TOX3: variants seen among roughly 807,000 people sequenced by gnomAD.
TOX3 encodes the protein CAG trinucleotide repeat-containing gene F9 protein.
A neutral mutation model predicts 64.3 loss-of-function variants in TOX3; 22 were observed. That is an observed-to-expected ratio of 0.34 (90% CI 0.24 to 0.49). TOX3 has a LOEUF of 0.49. Ranked by LOEUF, TOX3 falls within the 20% of genes least tolerant of loss-of-function variation. The pLI is 0.99. For synonymous variants in TOX3, 291 were observed against 273.6 expected, an observed-to-expected ratio of 1.06 and a Z score of -0.63; for missense variants, 661 against 714.4, an observed-to-expected ratio of 0.93 and a Z score of 0.85.
chr16:52,510,252 T>C (rs1175050716), intron 1 of TOX3, among the ~76,000 whole-genome samples: 1 of 152,070 alleles, frequency 6.6e-6, no homozygotes, highest in Non-Finnish European at 1.5e-5. Flanking sequence ...TATTTGTTTG[T>C]CAATAAAGTG....
intron 1 of TOX3, among the ~76,000 whole-genome samples, chr16:52,485,127 G>GTATATA (rs1567329231): frequency 2.3e-5 from 3 of 132,448 alleles, no homozygotes; most frequent in East Asian, 5.5e-4. Flanking sequence ...ATATGTGTGT[G>GTATATA]TATACATATG....
chr16:52,481,359 AGTTTAAC>A (rs1408354376), intron 1 of TOX3, among the ~76,000 whole-genome samples: 1 of 152,224 alleles, frequency 6.6e-6, no homozygotes, highest in Non-Finnish European at 1.5e-5. Context: ...AAACAGAAAT[AGTTTAAC>A]GTGTTCTTTT....
Position 52,439,636 on chromosome 16 carries a change from C to A in TOX3, c.1320G>T (p.Gln440His). Residue 440 changes from glutamine to histidine, a missense_variant, in exon 7 of 7, where the codon CAG becomes CAT. Transcript: ENST00000219746. ...GCTGCTGCTGCAATTGCATCTGATG[C>A]TGCTGGGTTTGCACCGAAGGACTCA... is the stretch of plus-strand genomic sequence containing the variant. ...TQVSPSVQTQ[Q>H]HQMQLQQQQQ... 1 of 1,613,628 alleles carries A rather than the reference C, an allele frequency of 6.2e-7. No individual in the cohort carries two copies.
intron 1 of TOX3, among the ~76,000 whole-genome samples, chr16:52,485,653 T>C (rs1394525869): frequency 6.6e-6 from 1 of 151,656 alleles, no homozygotes; most frequent in East Asian, 1.9e-4. Context: ...TAAAATAAAA[T>C]AAAATTAACA....
At chr16:52,516,761 G>A (rs1386067789) in intron 1 of TOX3, among the ~76,000 whole-genome samples, 1 of 152,098 alleles carries the variant, frequency 6.6e-6, no homozygotes, top group Non-Finnish European at 1.5e-5. Flanking sequence ...TGGGGGTAGG[G>A]GATTAACTGC....
intron 1 of TOX3, among the ~76,000 whole-genome samples, chr16:52,470,219 T>TGATG (rs962145822): frequency 6.6e-5 from 10 of 152,234 alleles, no homozygotes; most frequent in African/African-American, 2.4e-4. Flanking sequence ...ATGAAATTTT[T>TGATG]GATGAATGAA....
intron 1 of TOX3, chr16:52,519,620 G>C: frequency 7.1e-7 from 1 of 1,402,452 alleles, no homozygotes; most frequent in Non-Finnish European, 9.3e-7. Flanking sequence ...TGGGCAATCA[G>C]CTATTTGTCA....
At position 52,443,403 on chromosome 16, in the gene TOX3, G is replaced by A. The variant is rs558531863; in HGVS notation, c.987+873C>T. On this transcript the variant is annotated intron_variant, in intron 6 of 6. Transcript: ENST00000219746. ...ATCTGATTCTGAGCAGCTGCAAATG[G>A]TAGATCTTGATACAAATACTTAATA... Among the ~76,000 whole-genome samples the A allele has an allele frequency of 2.6e-5, 4 of 152,262 alleles. No individual in the cohort carries two copies. In the South Asian group the frequency reaches 8.3e-4, roughly 32 times the overall value.
At chr16:52,542,666 G>A (rs1429580664) in intron 1 of TOX3, among the ~76,000 whole-genome samples, 1 of 152,100 alleles carries the variant, frequency 6.6e-6, no homozygotes, top group East Asian at 1.9e-4. Flanking sequence ...TTGAGTTTAT[G>A]CCCCCTAGTT....
intron 3 of TOX3, among the ~76,000 whole-genome samples, chr16:52,461,102 C>T (rs1307474013): frequency 6.6e-6 from 1 of 152,008 alleles, no homozygotes; most frequent in Non-Finnish European, 1.5e-5. Context: ...TAAAAAAAAA[C>T]ACACACAACC....
intron 1 of TOX3, among the ~76,000 whole-genome samples, chr16:52,532,245 C>T (rs1405679890): frequency 6.6e-6 from 1 of 152,232 alleles, no homozygotes; most frequent in Non-Finnish European, 1.5e-5. Context: ...CTCCTCCCAT[C>T]AAGAAATGGA....
In TOX3 at chr16:52,547,084, C is replaced by T. The variant is rs1250559642; in HGVS notation, c.-361G>A. On this transcript the variant is annotated 5_prime_UTR_variant, in exon 1 of 7. Coordinates refer to ENST00000219746, the MANE Select transcript of TOX3 (RefSeq NM_001080430.4). ...GAGGCTGGGACGGCGGCGGCGGCGG[C>T]GGCTGGCCCCGCTCCTCCTCCTCCT... 1.8e-5 allele frequency: 7 copies of T among 387,838 alleles called. No individual in the cohort carries two copies. The highest frequency in any genetic ancestry group is 2.1e-5 in the Non-Finnish European group (6 of 286,118). The allele number at this position is 387,838 out of a possible 1,614,324, so 24.0% of individuals were successfully genotyped here.
At position 52,485,791 on chromosome 16, in the gene TOX3, C is replaced by A. The variant is rs1167793026; in HGVS notation, c.88-17217G>T. Among the ~76,000 whole-genome samples, 5 of 152,128 alleles carry A rather than the reference C, an allele frequency of 3.3e-5. No individual in the cohort carries two copies. In the East Asian group the frequency reaches 7.7e-4, roughly 24 times the overall value. Reference sequence around the variant, plus strand: ...CCAGATGGTAATGGAGAGAAGAGAGCAAAGATGGGGAAAGTTGAGTCATGG... The same window carrying A: ...CCAGATGGTAATGGAGAGAAGAGAGAAAAGATGGGGAAAGTTGAGTCATGG... On this transcript the variant is annotated intron_variant, in intron 1 of 6. Coordinates refer to ENST00000219746, the MANE Select transcript of TOX3 (RefSeq NM_001080430.4).
intron 1 of TOX3, among the ~76,000 whole-genome samples, chr16:52,537,878 T>TAAAAAA (rs57403617): frequency 3.0e-4 from 33 of 110,952 alleles, no homozygotes; most frequent in East Asian, 7.2e-4. Context: ...GCTGATATGA[T>TAAAAAA]AAAAAAAAAA....
intron 1 of TOX3, among the ~76,000 whole-genome samples, chr16:52,492,564 A>AATATAC (rs1317859407): frequency 7.7e-5 from 7 of 90,694 alleles, no homozygotes; most frequent in Non-Finnish European, 1.0e-4. Context: ...GTTGTATATA[A>AATATAC]ATATATATAT....
chr16:52,498,425 T>C lies in TOX3; in HGVS notation c.88-29851A>G, dbSNP rs142786423. Among the ~76,000 whole-genome samples the C allele has an allele frequency of 5.8e-3, 880 of 152,326 alleles. 6 individuals carry two copies. Among genetic ancestry groups the C allele is most frequent in the Non-Finnish European group, 9.4e-3 (642 of 68,034 alleles). On this transcript the variant is annotated intron_variant, in intron 1 of 6. Coordinates refer to ENST00000219746, the MANE Select transcript of TOX3 (RefSeq NM_001080430.4). ...ATACTGCTCACTTTTAGCCCAAATA[T>C]GACACTGATAAATGAAGCGATGAGA...
intron 1 of TOX3, among the ~76,000 whole-genome samples, chr16:52,501,014 A>T (rs898674687): frequency 7.2e-5 from 11 of 152,234 alleles, no homozygotes; most frequent in African/African-American, 2.4e-4. Flanking sequence ...AGATTTTCAT[A>T]TAAATAATAC....
At chr16:52,485,200 GTA>G (rs1961485946) in intron 1 of TOX3, among the ~76,000 whole-genome samples, 3 of 140,258 alleles carry the variant, frequency 2.1e-5, no homozygotes, top group East Asian at 2.0e-4. Flanking sequence ...TAGTGTGTGT[GTA>G]TATGTGTGTG....
intron 1 of TOX3, among the ~76,000 whole-genome samples, chr16:52,473,381 C>A (rs1205331462): frequency 6.6e-6 from 1 of 151,998 alleles, no homozygotes; most frequent in African/African-American, 2.4e-5. Flanking sequence ...AAAAGATAAT[C>A]CTTCGAATTC....
Sources: allele counts gnomAD v4.1 joint callset (sites outside exome capture counted in the v4.1 genomes callset), GRCh38; gene constraint gnomAD v4.1.1; transcripts MANE v1.5; gene names NCBI Gene and HGNC (gene_info 2026-07-23, HGNC 2026-07-21).